SMARCA2: variants seen among roughly 807,000 people sequenced by gnomAD.
SMARCA2 encodes SWI/SNF-related matrix-associated actin-dependent regulator of chromatin subfamily A member 2.
In SMARCA2, 61 loss-of-function variants were observed where a neutral mutation model predicts 199.8. The observed-to-expected ratio is 0.31, with a 90% CI of 0.25 to 0.38. The LOEUF is 0.38. SMARCA2 is among the 10% of genes least tolerant of loss of function. The probability of loss-of-function intolerance (pLI) is 1.00; values close to 1 mark genes in which losing one functional copy is unlikely to be tolerated. For synonymous variants in SMARCA2, 935 were observed against 732.0 expected, an observed-to-expected ratio of 1.28 and a Z score of -4.48; for missense variants, 1,344 against 2,012.2, an observed-to-expected ratio of 0.67 and a Z score of 6.35.
intron 31 of SMARCA2, among the ~76,000 whole-genome samples, chr9:2,183,233 T>A (rs1276734211): frequency 6.6e-6 from 1 of 152,230 alleles, no homozygotes; most frequent in Non-Finnish European, 1.5e-5. Flanking sequence ...TACTCTTGGA[T>A]CAGGAGCTGA....
intron 3 of SMARCA2, among the ~76,000 whole-genome samples, chr9:2,034,836 A>T (rs1457347317): frequency 6.6e-6 from 1 of 152,034 alleles, no homozygotes; most frequent in African/African-American, 2.4e-5. Context: ...GTTGCAGATA[A>T]CTCATAGAAT....
chr9:2,130,530 G>A (rs543397607), intron 27 of SMARCA2, among the ~76,000 whole-genome samples: 58 of 152,274 alleles, frequency 3.8e-4, no homozygotes, highest in African/African-American at 1.3e-3. Flanking sequence ...TAACTCTCCC[G>A]AACAAGGGAT....
At chr9:2,038,983 G>A (rs1819456455) in intron 3 of SMARCA2, among the ~76,000 whole-genome samples, 1 of 152,136 alleles carries the variant, frequency 6.6e-6, no homozygotes, top group Non-Finnish European at 1.5e-5. Context: ...TTACCATTCA[G>A]TACTGTCCCT....
chr9:2,119,409 C>T lies in SMARCA2; in HGVS notation c.3685-49C>T, dbSNP rs1201147281. 1.6e-6 allele frequency: 2 copies of T among 1,268,562 alleles called. No homozygotes were observed. Among genetic ancestry groups the T allele is most frequent in the Non-Finnish European group, 2.3e-6 (2 of 865,254 alleles). The allele number at this position is 1,268,562 out of a possible 1,614,324, so 78.6% of individuals were successfully genotyped here. On this transcript the variant is annotated intron_variant, in intron 25 of 33. Coordinates refer to ENST00000349721, the MANE Select transcript of SMARCA2 (RefSeq NM_003070.5). This position sits in a 1 kb window ranked among gnomAD's most constrained non-coding sequence, Gnocchi z 4.6. ...AGGACAGATCACTTACTTGTTTGTA[C>T]CTTGCCCCAGCTGTCCACTGGTTAA...
intron 30 of SMARCA2, 43 bp downstream of exon 30, chr9:2,181,719 G>A (rs754565611): frequency 3.4e-5 from 35 of 1,035,018 alleles, no homozygotes; most frequent in Non-Finnish European, 4.6e-5. Context: ...AGTAAATAAA[G>A]GAGCAGTGTA....
chr9:2,169,893 C>A lies in SMARCA2; in HGVS notation c.4200-526C>A, dbSNP rs771135768. On this transcript the variant is annotated intron_variant, in intron 28 of 33. Transcript: ENST00000349721. The surrounding 1 kb of genome is among the most constrained non-coding windows in gnomAD (Gnocchi z 6.5). ...TGATCTCTCGAAAAGGAATAGAGCTCTTGGAAGCAGAGCTGACTAGTTAGA... is the reference window on the plus strand; with the variant it reads ...TGATCTCTCGAAAAGGAATAGAGCTATTGGAAGCAGAGCTGACTAGTTAGA... 1.3e-5 allele frequency among the ~76,000 whole-genome samples: 2 copies of A among 152,182 alleles called. No homozygotes were observed. Among genetic ancestry groups the A allele is most frequent in the Non-Finnish European group, 2.9e-5 (2 of 68,038 alleles).
rs3818385 is a variant in SMARCA2 at position 2,191,725 on chromosome 9, C to T, written c.4737+317C>T. On this transcript the variant is annotated intron_variant, in intron 33 of 33. Coordinates refer to ENST00000349721, the MANE Select transcript of SMARCA2 (RefSeq NM_003070.5). ...TTCCCCGTAGCCAGTTAATATTTTA[C>T]ATGCATCACAGCCAGCATGGTGCCT... 37,921 of 222,746 alleles carry T rather than the reference C, an allele frequency of 0.17. 4,108 individuals carry two copies. The highest frequency in any genetic ancestry group is 0.33 in the African/African-American group (14,242 of 43,480). 13.8% of individuals were successfully genotyped at this position (222,746 alleles called of 1,614,324 possible). A position where few individuals can be genotyped will look rare whatever the true frequency, so the allele number is the denominator to read the frequency against.
At chr9:2,029,496 GA>G (rs1253242541) in intron 2 of SMARCA2, among the ~76,000 whole-genome samples, 2 of 152,200 alleles carry the variant, frequency 1.3e-5, no homozygotes, top group African/African-American at 2.4e-5. Context: ...CTGATAAGTA[GA>G]TCCTGTGATT....
intron 27 of SMARCA2, among the ~76,000 whole-genome samples, chr9:2,147,091 A>G (rs1464363689): frequency 1.3e-5 from 2 of 152,302 alleles, no homozygotes; most frequent in East Asian, 1.9e-4. Flanking sequence ...GAATTGATAG[A>G]CTGAGGAGAA....
chr9:2,133,416 A>T (rs1824052210), intron 27 of SMARCA2, among the ~76,000 whole-genome samples: 2 of 151,894 alleles, frequency 1.3e-5, no homozygotes, highest in African/African-American at 4.8e-5. Flanking sequence ...TGAGTAGCTG[A>T]GACTACGGGT....
At chr9:2,130,003 G>A (rs1052604593) in intron 27 of SMARCA2, among the ~76,000 whole-genome samples, 2 of 152,088 alleles carry the variant, frequency 1.3e-5, no homozygotes, top group African/African-American at 2.4e-5. Flanking sequence ...ACAGGTACAT[G>A]CCACCATGCC....
intron 1 of SMARCA2, chr9:2,027,924 A>G (rs1469109670): frequency 6.6e-6 from 1 of 152,252 alleles, no homozygotes; most frequent in African/African-American, 2.4e-5. Flanking sequence ...TGCCGGCATC[A>G]TTGATCTCTA....
At chr9:2,187,962 T>C (rs763943404) in intron 32 of SMARCA2, among the ~76,000 whole-genome samples, 3 of 152,066 alleles carry the variant, frequency 2.0e-5, no homozygotes, top group Admixed American at 6.6e-5. Flanking sequence ...CAAATTTATG[T>C]GTGGAAAAAA....
At chr9:2,108,053 A>G (rs1019331368) in intron 23 of SMARCA2, among the ~76,000 whole-genome samples, 2 of 152,228 alleles carry the variant, frequency 1.3e-5, no homozygotes, top group African/African-American at 4.8e-5. Flanking sequence ...ACACAGGCAT[A>G]GCCAGGGTTC....
intron 2 of SMARCA2, 28 bp downstream of exon 2, chr9:2,029,275 C>A: frequency 6.3e-7 from 1 of 1,588,646 alleles, no homozygotes; most frequent in South Asian, 1.1e-5. Context: ...CATTCAAACT[C>A]AACTTCTGAT....
chr9:2,062,362 G>A (rs1820632006), intron 9 of SMARCA2, among the ~76,000 whole-genome samples: 2 of 152,190 alleles, frequency 1.3e-5, no homozygotes, highest in Non-Finnish European at 2.9e-5. Flanking sequence ...GGTTGTCACT[G>A]TTAGTGTTTT....
intron 27 of SMARCA2, among the ~76,000 whole-genome samples, chr9:2,134,039 A>G (rs1328621240): frequency 6.6e-6 from 1 of 152,218 alleles, no homozygotes; most frequent in East Asian, 1.9e-4. Flanking sequence ...GGTGTGTAAC[A>G]TAGAATCTGG....
intron 5 of SMARCA2, among the ~76,000 whole-genome samples, chr9:2,050,778 T>C (rs552025644): frequency 7.2e-5 from 11 of 152,340 alleles, no homozygotes; most frequent in African/African-American, 2.6e-4. Flanking sequence ...GAACAAAATG[T>C]ACCAGTGTCA....
At chr9:2,094,871 G>C in intron 19 of SMARCA2, among the ~76,000 whole-genome samples, 1 of 152,128 alleles carries the variant, frequency 6.6e-6, no homozygotes, top group East Asian at 1.9e-4. Flanking sequence ...AAAGTCTAAA[G>C]TTGTTCAGCG....
Sources: gnomAD v4.1 joint callset for allele counts (sites outside exome capture counted in the v4.1 genomes callset) on GRCh38, gnomAD v4.1.1 for gene constraint, Gnocchi (gnomAD v3.1) non-coding constraint, MANE v1.5 for transcripts, NCBI Gene and HGNC (gene_info 2026-07-23, HGNC 2026-07-21) for gene names.